DPP10: variants seen among roughly 807,000 people sequenced by gnomAD.
DPP10 encodes the protein inactive dipeptidyl peptidase 10.
Under a neutral mutation model 120.9 loss-of-function variants are expected in DPP10, and 33 were observed. The observed-to-expected ratio is 0.27, with a 90% CI of 0.21 to 0.37. DPP10 has a LOEUF of 0.37. Ranked by LOEUF, DPP10 falls within the 10% of genes least tolerant of loss-of-function variation. The pLI is 1.00. For missense variants in DPP10, 816 were observed against 942.8 expected (o/e 0.87, Z 1.76); for synonymous variants, 337 against 326.1 (o/e 1.03, Z -0.36).
intron 5 of DPP10, among the ~76,000 whole-genome samples, chr2:115,687,440 A>G (rs915216506): frequency 1.3e-5 from 2 of 152,022 alleles, no homozygotes; most frequent in Non-Finnish European, 2.9e-5. Flanking sequence ...CTAGGTTCTA[A>G]TTATCTGCAG....
chr2:115,167,090 A>G lies in DPP10; in HGVS notation c.61-142149A>G, dbSNP rs781780896. On this transcript the variant is annotated intron_variant, in intron 1 of 25. Transcript: ENST00000410059. The stretch of plus-strand genomic sequence containing the variant: ...AGACCAGTGTGTTTTCTTGGGCAGG[A>G]TAACTGAATTTCCCCATTTCACCTG... 2.0e-5 allele frequency among the ~76,000 whole-genome samples: 3 copies of G among 152,172 alleles called. No homozygotes were observed. The East Asian group carries it at 5.8e-4, about 29-fold the overall frequency.
intron 1 of DPP10, among the ~76,000 whole-genome samples, chr2:114,681,236 A>T (rs775954613): frequency 1.3e-5 from 2 of 151,996 alleles, no homozygotes; most frequent in Non-Finnish European, 2.9e-5. Flanking sequence ...CATACAGTGC[A>T]TAGTCCATTA....
chr2:115,786,054 T>A (rs953125638), intron 17 of DPP10, among the ~76,000 whole-genome samples: 9 of 152,096 alleles, frequency 5.9e-5, no homozygotes, highest in Non-Finnish European at 4.4e-5. Flanking sequence ...ATATATATAA[T>A]AGGGGAAGAT....
chr2:115,545,378 T>C (rs964099052), intron 5 of DPP10, among the ~76,000 whole-genome samples: 5 of 152,124 alleles, frequency 3.3e-5, no homozygotes, highest in African/African-American at 1.2e-4. Context: ...ACAGTGTAGT[T>C]GGGAAAATTT....
At chr2:115,020,424 A>G (rs1702986469) in intron 1 of DPP10, among the ~76,000 whole-genome samples, 1 of 152,214 alleles carries the variant, frequency 6.6e-6, no homozygotes, top group Non-Finnish European at 1.5e-5. Context: ...GAGGGACATT[A>G]TATAATGATA....
intron 3 of DPP10, among the ~76,000 whole-genome samples, chr2:115,460,802 A>G (rs559142166): frequency 3.0e-4 from 46 of 152,346 alleles, no homozygotes; most frequent in African/African-American, 1.1e-3. Flanking sequence ...TATGTTGAGC[A>G]ATTAAAGTAC....
At chr2:115,221,008 T>C (rs929094763) in intron 1 of DPP10, among the ~76,000 whole-genome samples, 14 of 151,980 alleles carry the variant, frequency 9.2e-5, no homozygotes, top group African/African-American at 2.4e-4. Context: ...TTATAAAACA[T>C]TAAAAATATT....
intron 1 of DPP10, among the ~76,000 whole-genome samples, chr2:115,242,569 C>T (rs2058336279): frequency 6.6e-6 from 1 of 151,928 alleles, no homozygotes; most frequent in Admixed American, 6.6e-5. Flanking sequence ...ACTTTTAGTT[C>T]TTTAAGGGCT....
intron 1 of DPP10, among the ~76,000 whole-genome samples, chr2:114,971,988 A>G (rs1489486999): frequency 6.6e-6 from 1 of 152,184 alleles, no homozygotes; most frequent in Admixed American, 6.5e-5. Flanking sequence ...CATCCTTTAT[A>G]GTAGCACAAT....
chr2:115,149,504 T>C (rs1024028587), intron 1 of DPP10, among the ~76,000 whole-genome samples: 1 of 152,214 alleles, frequency 6.6e-6, no homozygotes, highest in Non-Finnish European at 1.5e-5. Flanking sequence ...TTTATCCTTA[T>C]TGAAGTGCTA....
intron 19 of DPP10, among the ~76,000 whole-genome samples, chr2:115,803,288 A>G (rs1685493309): frequency 1.3e-5 from 2 of 151,922 alleles, no homozygotes; most frequent in South Asian, 2.1e-4. Context: ...TTCTTGGTAG[A>G]TCTTCCTCCA....
chr2:115,155,438 C>A (rs755041018), intron 1 of DPP10, among the ~76,000 whole-genome samples: 7 of 152,130 alleles, frequency 4.6e-5, no homozygotes, highest in Admixed American at 6.5e-5. Flanking sequence ...GCCCATTTGT[C>A]CTGTGAGGCT....
intron 2 of DPP10, among the ~76,000 whole-genome samples, chr2:115,311,456 A>G (rs1447689437): frequency 6.6e-6 from 1 of 152,212 alleles, no homozygotes; most frequent in Admixed American, 6.5e-5. Context: ...TCAGGAATAT[A>G]CATCTTCTGT....
intron 1 of DPP10, among the ~76,000 whole-genome samples, chr2:114,533,413 G>A (rs2104753347): frequency 6.6e-6 from 1 of 152,172 alleles, no homozygotes; most frequent in East Asian, 1.9e-4. Flanking sequence ...AGTGAACAAT[G>A]AGAACACATG....
At chr2:115,066,315 G>A (rs1706833234) in intron 1 of DPP10, among the ~76,000 whole-genome samples, 1 of 151,966 alleles carries the variant, frequency 6.6e-6, no homozygotes, top group African/African-American at 2.4e-5. Context: ...ACACATGCCT[G>A]CATGTGTAGG....
At chr2:115,165,955 C>G (rs1327500568) in intron 1 of DPP10, among the ~76,000 whole-genome samples, 1 of 152,164 alleles carries the variant, frequency 6.6e-6, no homozygotes, top group Non-Finnish European at 1.5e-5. Context: ...AAACCAATCT[C>G]TTACAATTGA....
intron 5 of DPP10, among the ~76,000 whole-genome samples, chr2:115,672,659 T>TCTTC: frequency 8.5e-6 from 1 of 117,994 alleles, no homozygotes; most frequent in African/African-American, 3.2e-5. Context: ...TCTCTTTCTT[T>TCTTC]CTTTCTTTCT....
At chr2:114,555,310 C>G (rs1274060542) in intron 1 of DPP10, among the ~76,000 whole-genome samples, 4 of 152,070 alleles carry the variant, frequency 2.6e-5, no homozygotes, top group Non-Finnish European at 1.5e-5. Flanking sequence ...CTCCCATATG[C>G]CAAGCACCAT....
chr2:115,535,472 A>G (rs2078759952), intron 5 of DPP10, among the ~76,000 whole-genome samples: 1 of 151,750 alleles, frequency 6.6e-6, no homozygotes, highest in Non-Finnish European at 1.5e-5. Flanking sequence ...ATTGATCTAT[A>G]TCTCTGTTTT....
Sources: allele counts gnomAD v4.1 joint callset (sites outside exome capture counted in the v4.1 genomes callset), GRCh38; gene constraint gnomAD v4.1.1; transcripts MANE v1.5; gene names NCBI Gene and HGNC (gene_info 2026-07-23, HGNC 2026-07-21).